DUSP22: variants seen among roughly 807,000 people sequenced by gnomAD.
The protein encoded by DUSP22 is dual specificity phosphatase 22.
A neutral mutation model predicts 24.5 loss-of-function variants in DUSP22; 24 were observed. That is an observed-to-expected ratio of 0.98 (90% CI 0.71 to 1.38). DUSP22 has a LOEUF of 1.38. DUSP22 is among the 40% of genes most tolerant of loss of function. DUSP22 has a pLI of 0.00. For missense variants in DUSP22, 330 were observed against 269.2 expected, an observed-to-expected ratio of 1.23 and a Z score of -1.58; for synonymous variants, 160 against 106.4, an observed-to-expected ratio of 1.50 and a Z score of -3.10.
In DUSP22 at chr6:349,757, G is replaced by A; in HGVS notation, c.*806G>A. Reference sequence around the variant, plus strand: ...GGCTGAGGGTTCCCTAGCGCCTTGAGTCAAGGCCACTTTTCAGCCCATCGA... The same window carrying A: ...GGCTGAGGGTTCCCTAGCGCCTTGAATCAAGGCCACTTTTCAGCCCATCGA... On this transcript the variant is annotated 3_prime_UTR_variant, in exon 7 of 7. Coordinates refer to ENST00000419235, the MANE Select transcript of DUSP22 (RefSeq NM_001286555.3). 1.0e-6 allele frequency: 1 copy of A among 985,664 alleles called. No individual in the cohort carries two copies. Among genetic ancestry groups the A allele is most frequent in the South Asian group, 4.7e-5 (1 of 21,272 alleles). The allele number at this position is 985,664 out of a possible 1,614,324, so 61.1% of individuals were successfully genotyped here.
intron 2 of DUSP22, among the ~76,000 whole-genome samples, chr6:309,344 G>T: frequency 6.6e-6 from 1 of 152,410 alleles, no homozygotes. Context: ...TTCTCACTTT[G>T]GGTCAAAAGA....
chr6:310,334 G>A (rs1239170993), intron 2 of DUSP22, among the ~76,000 whole-genome samples: 2 of 152,306 alleles, frequency 1.3e-5, no homozygotes, highest in Non-Finnish European at 2.9e-5. Flanking sequence ...GGGGGTGTAG[G>A]GAAGTGGACC....
intron 1 of DUSP22, among the ~76,000 whole-genome samples, 200 bp from the exon 2 acceptor site, chr6:304,428 C>A (rs1435961586): frequency 6.6e-6 from 1 of 152,308 alleles, no homozygotes; most frequent in East Asian, 1.9e-4. Context: ...GGCCCTAAAC[C>A]CAGCGAGTCG....
At chr6:308,564 A>G (rs1757929681) in intron 2 of DUSP22, among the ~76,000 whole-genome samples, 3 of 152,310 alleles carry the variant, frequency 2.0e-5, no homozygotes, top group African/African-American at 7.2e-5. Flanking sequence ...TTTGGAGTCC[A>G]GCCGGCAGTG....
chr6:305,312 G>T (rs1004172910), intron 2 of DUSP22, among the ~76,000 whole-genome samples: 31 of 152,290 alleles, frequency 2.0e-4, no homozygotes, highest in African/African-American at 7.0e-4. Flanking sequence ...CTCCAGCTCT[G>T]CCCTGGTTCT....
intron 3 of DUSP22, among the ~76,000 whole-genome samples, chr6:314,902 G>C (rs1758272951): frequency 1.3e-5 from 2 of 152,310 alleles, no homozygotes; most frequent in South Asian, 4.1e-4. Flanking sequence ...ATTTGTTGGG[G>C]GTTGGGGTTT....
intron 3 of DUSP22, among the ~76,000 whole-genome samples, 198 bp from the exon 4 acceptor site, chr6:334,916 T>A (rs1171010175): frequency 1.3e-5 from 2 of 152,310 alleles, no homozygotes; most frequent in Non-Finnish European, 2.9e-5. Flanking sequence ...AAAGCAGGAT[T>A]ATTTGTACGC....
At chr6:323,825 G>A (rs1405353226) in intron 3 of DUSP22, among the ~76,000 whole-genome samples, 2 of 152,312 alleles carry the variant, frequency 1.3e-5, no homozygotes, top group Admixed American at 6.5e-5. Context: ...GGTAGAATAG[G>A]TACAAATCAA....
At chr6:330,504 C>T (rs1759093732) in intron 3 of DUSP22, among the ~76,000 whole-genome samples, 1 of 152,308 alleles carries the variant, frequency 6.6e-6, no homozygotes, top group East Asian at 1.9e-4. Context: ...AGAGTTTGAT[C>T]TCTTTCTTTA....
intron 1 of DUSP22, among the ~76,000 whole-genome samples, chr6:295,977 C>G (rs141291343): frequency 0.027 from 4,098 of 151,664 alleles, 25 homozygotes; most frequent in East Asian, 0.12. Context: ...CAGGGCAGAA[C>G]CCAGTCTCCA....
At chr6:297,045 A>C (rs1757366997) in intron 1 of DUSP22, among the ~76,000 whole-genome samples, 1 of 152,302 alleles carries the variant, frequency 6.6e-6, no homozygotes, top group African/African-American at 2.4e-5. Context: ...TTCCATGGGG[A>C]GCGCACTGTT....
chr6:347,794 C>T (rs374392874), intron 5 of DUSP22, among the ~76,000 whole-genome samples: 8 of 152,296 alleles, frequency 5.3e-5, no homozygotes, highest in East Asian at 1.9e-4. Context: ...GTCGTTTGTC[C>T]GGGGAAATGG....
At chr6:327,035 C>T (rs1758913144) in intron 3 of DUSP22, among the ~76,000 whole-genome samples, 1 of 152,306 alleles carries the variant, frequency 6.6e-6, no homozygotes, top group Non-Finnish European at 1.5e-5. Flanking sequence ...CTGTAGCCTC[C>T]ACCATGAGGT....
At chr6:337,341 G>A (rs1759400963) in intron 4 of DUSP22, among the ~76,000 whole-genome samples, 1 of 152,308 alleles carries the variant, frequency 6.6e-6, no homozygotes, top group Non-Finnish European at 1.5e-5. Context: ...ATGTGAAGGT[G>A]TTTTCTGCGA....
In DUSP22 at chr6:350,730, A is replaced by G; in HGVS notation, c.*1779A>G. 1 of 1,610,886 alleles carries G rather than the reference A, an allele frequency of 6.2e-7. No homozygotes were observed. The highest frequency in any genetic ancestry group is 8.5e-7 in the Non-Finnish European group (1 of 1,178,618). ...TTTAGGATATAGCTTGAATGCTTAAATATGTGCACCTTTACAAACCTCTCA... is the reference window on the plus strand; with the variant it reads ...TTTAGGATATAGCTTGAATGCTTAAGTATGTGCACCTTTACAAACCTCTCA... On this transcript the variant is annotated 3_prime_UTR_variant, in exon 7 of 7. Coordinates refer to ENST00000419235, the MANE Select transcript of DUSP22 (RefSeq NM_001286555.3).
intron 4 of DUSP22, among the ~76,000 whole-genome samples, chr6:344,893 C>T (rs1335285122): frequency 6.6e-6 from 1 of 152,308 alleles, no homozygotes; most frequent in Non-Finnish European, 1.5e-5. Flanking sequence ...TCACCTTCCT[C>T]ACCTGCGTCA....
At chr6:339,541 TA>T (rs1456160240) in intron 4 of DUSP22, among the ~76,000 whole-genome samples, 12 of 152,422 alleles carry the variant, frequency 7.9e-5, no homozygotes, top group African/African-American at 2.6e-4. Context: ...AGCAAGTAAT[TA>T]CAGATTTTTT....
rs914704115 is a variant in DUSP22 at position 293,300 on chromosome 6, C to T, written c.21+740C>T. On this transcript the variant is annotated intron_variant, in intron 1 of 6. Coordinates refer to ENST00000419235, the MANE Select transcript of DUSP22 (RefSeq NM_001286555.3). ...TAGCCTTTCCCGTCCAGGGAAGTTG[C>T]CAGATTCCAGCTCTGGCAGCTGAGA... 3.3e-5 allele frequency among the ~76,000 whole-genome samples: 5 copies of T among 152,418 alleles called. No homozygotes were observed. In the East Asian group the frequency reaches 7.7e-4, roughly 23 times the overall value.
At chr6:322,986 G>A (rs1758681134) in intron 3 of DUSP22, among the ~76,000 whole-genome samples, 1 of 152,302 alleles carries the variant, frequency 6.6e-6, no homozygotes, top group African/African-American at 2.4e-5. Context: ...CCAAAGACTG[G>A]TTTAAGCAAA....
Sources: gnomAD v4.1 joint callset for allele counts (sites outside exome capture counted in the v4.1 genomes callset) on GRCh38, gnomAD v4.1.1 for gene constraint, MANE v1.5 for transcripts, NCBI Gene and HGNC (gene_info 2026-07-23, HGNC 2026-07-21) for gene names.